Variants in ATP11A observed in about 807,000 individuals in gnomAD.
ATP11A encodes the protein phospholipid-transporting ATPase IH.
A neutral mutation model predicts 154.4 loss-of-function variants in ATP11A; 81 were observed. The ratio of observed to expected loss-of-function variants is 0.52; its 90% CI spans 0.44 to 0.63. ATP11A has a LOEUF of 0.63. Ranked by LOEUF, ATP11A falls within the 30% of genes least tolerant of loss-of-function variation. The pLI is 0.00. For missense variants in ATP11A, 1,316 were observed against 1,474.3 expected (o/e 0.89, Z 1.76); for synonymous variants, 623 against 585.9 (o/e 1.06, Z -0.91).
chr13:112,786,932 TAGACCCCTGTGG>T (rs2077645605), intron 2 of ATP11A, among the ~76,000 whole-genome samples: 1 of 151,042 alleles, frequency 6.6e-6, no homozygotes. Context: ...TCCTGACGTG[TAGACCCCTGTGG>T]AGACCTACTT....
chr13:112,697,900 T>C lies in ATP11A; in HGVS notation c.39+7445T>C, dbSNP rs1833646199. On this transcript the variant is annotated intron_variant, in intron 1 of 29. Coordinates refer to ENST00000375645, the MANE Select transcript of ATP11A (RefSeq NM_015205.3). This position sits in a 1 kb window ranked among gnomAD's most constrained non-coding sequence, Gnocchi z 4.0. The stretch of plus-strand genomic sequence containing the variant: ...TGAAACTACTTTCATTTTAAAACGA[T>C]GAGTTCCTAAGAACTAGACTCTGAT... Among the ~76,000 whole-genome samples the C allele has an allele frequency of 6.6e-6, 1 of 152,168 alleles. No homozygotes were observed. Among genetic ancestry groups the C allele is most frequent in the African/African-American group, 2.4e-5 (1 of 41,420 alleles).
In ATP11A at chr13:112,887,128, T is replaced by A. The variant is rs903454824; in HGVS notation, c.*5262T>A. The stretch of plus-strand genomic sequence containing the variant: ...ACCTGAATCTGCTTGCAATAAAGAA[T>A]AAAAGTCTGCTTCAGTTTCTTTATA... On this transcript the variant is annotated 3_prime_UTR_variant, in exon 30 of 30. Transcript: ENST00000375645. The A allele has an allele frequency of 6.6e-6, 1 of 152,248 alleles. No individual in the cohort carries two copies. Among genetic ancestry groups the A allele is most frequent in the Non-Finnish European group, 1.5e-5 (1 of 68,034 alleles). The allele number at this position is 152,248 out of a possible 1,614,324, so 9.4% of individuals were successfully genotyped here. A position where few individuals can be genotyped will look rare whatever the true frequency, so the allele number is the denominator to read the frequency against.
intron 14 of ATP11A, 150 bp downstream of exon 14, chr13:112,833,173 G>T (rs972353000): frequency 1.0e-6 from 1 of 999,552 alleles, no homozygotes; most frequent in Admixed American, 2.8e-5. Flanking sequence ...AGCTTCTCTG[G>T]ACCCCCGTCC....
chr13:112,791,416 T>C (rs951167648), intron 2 of ATP11A, among the ~76,000 whole-genome samples: 6 of 152,208 alleles, frequency 3.9e-5, no homozygotes. Flanking sequence ...TGCCTGGTTC[T>C]CCCTGCAGAT....
intron 1 of ATP11A, among the ~76,000 whole-genome samples, chr13:112,712,879 CG>C (rs1887929211): frequency 6.6e-6 from 1 of 152,172 alleles, no homozygotes; most frequent in Admixed American, 6.5e-5. Context: ...GAACACAAAG[CG>C]TATGAAAGTG....
intron 1 of ATP11A, among the ~76,000 whole-genome samples, chr13:112,700,771 T>G (rs1886425151): frequency 6.6e-6 from 1 of 152,142 alleles, no homozygotes; most frequent in Admixed American, 6.5e-5. Context: ...GGCCTGCAAC[T>G]CCCGCCATGT....
intron 2 of ATP11A, among the ~76,000 whole-genome samples, chr13:112,792,607 G>A (rs768429): frequency 2.6e-5 from 4 of 152,184 alleles, no homozygotes; most frequent in Non-Finnish European, 4.4e-5. Flanking sequence ...CTGTTTGACG[G>A]AAGTGCAGTT....
intron 1 of ATP11A, among the ~76,000 whole-genome samples, chr13:112,702,380 A>G (rs1886662139): frequency 6.7e-6 from 1 of 150,188 alleles, no homozygotes; most frequent in African/African-American, 2.4e-5. Flanking sequence ...CTGTAAGTAC[A>G]GACACCGTAG....
rs145780839 is a variant in ATP11A at position 112,788,529 on chromosome 13, G to A, written c.162+3272G>A. 9.3e-3 allele frequency among the ~76,000 whole-genome samples: 1,373 copies of A among 147,500 alleles called. 20 individuals are homozygous for A. The highest frequency in any genetic ancestry group is 0.016 in the Non-Finnish European group (1,072 of 67,086). ...TGTGGATACCTACTTAATTCACACC[G>A]GTGTCCTGATGCGTAGACTCCTGTG... On this transcript the variant is annotated intron_variant, in intron 2 of 29. Transcript: ENST00000375645.
At chr13:112,817,349 A>T (rs2078673357) in intron 6 of ATP11A, among the ~76,000 whole-genome samples, 1 of 152,224 alleles carries the variant, frequency 6.6e-6, no homozygotes, top group Non-Finnish European at 1.5e-5. Flanking sequence ...CATGATATGT[A>T]TCATGAATTG....
chr13:112,748,471 T>A (rs746743875), intron 1 of ATP11A, among the ~76,000 whole-genome samples: 4 of 152,098 alleles, frequency 2.6e-5, no homozygotes, highest in Non-Finnish European at 5.9e-5. Context: ...GCTCAAGCAA[T>A]CCTCCCATCT....
At chr13:112,822,061 G>C (rs1202964620) in intron 8 of ATP11A, among the ~76,000 whole-genome samples, 1 of 152,194 alleles carries the variant, frequency 6.6e-6, no homozygotes, top group East Asian at 1.9e-4. Flanking sequence ...TATACTGCAT[G>C]CATTTTACAT....
At chr13:112,870,240 T>C (rs945977) in intron 25 of ATP11A, among the ~76,000 whole-genome samples, 60,382 of 151,764 alleles carry the variant, frequency 0.4, 12,195 homozygotes, top group Middle Eastern at 0.47. Context: ...TTTTCTATAA[T>C]CTACAAATGA....
At chr13:112,789,630 G>T (rs2077780414) in intron 2 of ATP11A, among the ~76,000 whole-genome samples, 1 of 150,770 alleles carries the variant, frequency 6.6e-6, no homozygotes, top group South Asian at 2.1e-4. Flanking sequence ...TTCACACCGG[G>T]TATTCTGACA....
chr13:112,879,057 G>A (rs2080811317), intron 29 of ATP11A, among the ~76,000 whole-genome samples: 1 of 152,254 alleles, frequency 6.6e-6, no homozygotes, highest in Non-Finnish European at 1.5e-5. Context: ...CATGATAAGA[G>A]CCGAGATTGC....
intron 1 of ATP11A, among the ~76,000 whole-genome samples, chr13:112,701,431 C>T (rs553019246): frequency 1.5e-4 from 23 of 152,280 alleles, no homozygotes; most frequent in East Asian, 1.4e-3. Context: ...TTGCCAAGTT[C>T]GCCTGACCTT....
chr13:112,753,195 C>T lies in ATP11A; in HGVS notation c.40-31940C>T, dbSNP rs917566699. On this transcript the variant is annotated intron_variant, in intron 1 of 29. Transcript: ENST00000375645. The surrounding 1 kb of genome is among the most constrained non-coding windows in gnomAD (Gnocchi z 4.1). ...TATGTGGATGGCGTGCATGTGTCTGCACAGCTGCGTGATGTTCCCCTGTGG... is the reference window on the plus strand; with the variant it reads ...TATGTGGATGGCGTGCATGTGTCTGTACAGCTGCGTGATGTTCCCCTGTGG... 6.6e-5 allele frequency among the ~76,000 whole-genome samples: 10 copies of T among 152,214 alleles called. No homozygotes were observed. Among genetic ancestry groups the T allele is most frequent in the African/African-American group, 2.2e-4 (9 of 41,448 alleles).
rs2078323246 is a variant in ATP11A at position 112,806,370 on chromosome 13, T to C, written c.333+77T>C. 11 of 1,182,484 alleles carry C rather than the reference T, an allele frequency of 9.3e-6. No homozygotes were observed. The Admixed American group carries it at 9.3e-5, about 10-fold the overall frequency. 73.2% of individuals were successfully genotyped at this position (1,182,484 alleles called of 1,614,324 possible). On this transcript the variant is annotated intron_variant, in intron 4 of 29. Transcript: ENST00000375645. ...TTGCCTTTCATTCAAAGCGAGGTGATTGGTTTGTTGTAGCTAGTTCACAGA... is the reference window on the plus strand; with the variant it reads ...TTGCCTTTCATTCAAAGCGAGGTGACTGGTTTGTTGTAGCTAGTTCACAGA...
rs17121727 is a variant in ATP11A, at chr13:112,820,691, A to G, written c.725+741A>G. 5.7e-3 allele frequency among the ~76,000 whole-genome samples: 872 copies of G among 152,326 alleles called. 8 individuals carry two copies. Among genetic ancestry groups the G allele is most frequent in the African/African-American group, 0.02 (822 of 41,570 alleles). Reference sequence around the variant, plus strand: ...AGATCTAGCATTTGTTGCTGACGAGATATTTGAATGTCACAGTTTAGGGAA... The same window carrying G: ...AGATCTAGCATTTGTTGCTGACGAGGTATTTGAATGTCACAGTTTAGGGAA... On this transcript the variant is annotated intron_variant, in intron 8 of 29. Transcript: ENST00000375645.
Sources: allele counts gnomAD v4.1 joint callset (sites outside exome capture counted in the v4.1 genomes callset), GRCh38; gene constraint gnomAD v4.1.1; non-coding constraint Gnocchi (gnomAD v3.1); transcripts MANE v1.5; gene names NCBI Gene and HGNC (gene_info 2026-07-23, HGNC 2026-07-21).